The following SF3B3 variants were observed in gnomAD, a reference collection of about 807,000 sequenced individuals.
SF3B3 encodes splicing factor 3b subunit 3, also known as SAP 130.
SF3B3 carries 33 observed loss-of-function variants against 139.2 expected under a neutral mutation model. That is an observed-to-expected ratio of 0.24 (90% CI 0.18 to 0.32). The LOEUF is 0.32. Among genes scored for constraint, SF3B3 ranks in the 10% least tolerant of loss-of-function variants. SF3B3 has a pLI of 1.00. For missense variants in SF3B3, 818 were observed against 1,509.4 expected, an observed-to-expected ratio of 0.54 and a Z score of 7.59; for synonymous variants, 596 against 563.6, an observed-to-expected ratio of 1.06 and a Z score of -0.81.
At position 70,541,759 on chromosome 16, in the gene SF3B3, T is replaced by A; in HGVS notation, c.1158T>A (p.Phe386Leu). The change falls in exon 9 of 26, where the codon TTT (phenylalanine) becomes TTA (leucine). Residue 386 changes from phenylalanine to leucine, a missense_variant. Phe to Leu is a conservative substitution (Grantham distance 22, BLOSUM62 0). This residue lies in a region of SF3B3 where 80 missense variants were observed against 206.5 expected (regional missense o/e 0.39). Transcript: ENST00000302516. ...AMPLEEGDTFFFQPRPLKNLV... is the reference protein window; with the variant it reads ...AMPLEEGDTFLFQPRPLKNLV... ...CTCTGGAAGAAGGAGACACATTCTT[T>A]TTTCAGCCAAGACCACTTAAAAACC... The A allele has an allele frequency of 1.9e-6, 3 of 1,614,138 alleles. No homozygotes were observed. The highest frequency in any genetic ancestry group is 2.5e-6 in the Non-Finnish European group (3 of 1,180,000).
chr16:70,562,551 CT>C (rs1249702201), intron 17 of SF3B3, among the ~76,000 whole-genome samples: 8 of 152,186 alleles, frequency 5.3e-5, no homozygotes, highest in African/African-American at 1.4e-4. Flanking sequence ...CTCTACATCA[CT>C]TAATATTTTT....
In SF3B3 at chr16:70,565,925, C is replaced by T. The variant is rs540929060; in HGVS notation, c.2826+401C>T. On this transcript the variant is annotated intron_variant, in intron 20 of 25. Coordinates refer to ENST00000302516, the MANE Select transcript of SF3B3 (RefSeq NM_012426.5). ...TGAGGTCAGGAGTTCGAGACCAGCC[C>T]GGCCAACATGGTGAAAGCCTGTCTC... Among the ~76,000 whole-genome samples the T allele has an allele frequency of 1.4e-3, 213 of 150,598 alleles. 6 individuals carry two copies. Among genetic ancestry groups the T allele is most frequent in the Non-Finnish European group, 1.2e-3 (82 of 67,504 alleles).
At chr16:70,551,920 T>A (rs2050331142) in intron 11 of SF3B3, among the ~76,000 whole-genome samples, 1 of 152,178 alleles carries the variant, frequency 6.6e-6, no homozygotes, top group African/African-American at 2.4e-5. Context: ...GGGGTAGAAG[T>A]TACAATGTGC....
At chr16:70,555,894 C>A (rs1469978653) in intron 13 of SF3B3, among the ~76,000 whole-genome samples, 1 of 152,148 alleles carries the variant, frequency 6.6e-6, no homozygotes, top group Admixed American at 6.6e-5. Flanking sequence ...TTCCTGAGAA[C>A]AAAGTTGGCT....
chr16:70,556,761 A>C (rs936874214), intron 14 of SF3B3, 125 bp from the exon 15 acceptor site: 4 of 1,000,458 alleles, frequency 4.0e-6, no homozygotes, highest in Non-Finnish European at 6.0e-6. Context: ...CTTAGAACTC[A>C]CTCCCCGGGT....
chr16:70,554,008 T>C (rs2050356056), intron 11 of SF3B3: 1 of 154,428 alleles, frequency 6.5e-6, no homozygotes, highest in African/African-American at 2.4e-5. Flanking sequence ...TTAGAGCTTG[T>C]GTTCATTTCT....
chr16:70,538,986 G>T, intron 7 of SF3B3, 118 bp from the exon 8 acceptor site: 1 of 762,212 alleles, frequency 1.3e-6, no homozygotes, highest in Non-Finnish European at 2.3e-6. Context: ...GCCGGAGTTT[G>T]TTGACCCCTG....
At chr16:70,531,488 G>A (rs1294583051) in intron 4 of SF3B3, among the ~76,000 whole-genome samples, 2 of 152,068 alleles carry the variant, frequency 1.3e-5, no homozygotes, top group Non-Finnish European at 2.9e-5. Context: ...TGTTGGCCAG[G>A]CTGGTCTTCT....
At chr16:70,562,334 C>G (rs1214092412) in intron 17 of SF3B3, among the ~76,000 whole-genome samples, 1 of 152,132 alleles carries the variant, frequency 6.6e-6, no homozygotes, top group African/African-American at 2.4e-5. Flanking sequence ...AATTAAGCCA[C>G]CAAAGTTGTT....
At chr16:70,555,518 T>G (rs1245201185) in intron 13 of SF3B3, among the ~76,000 whole-genome samples, 2 of 148,684 alleles carry the variant, frequency 1.3e-5, no homozygotes, top group African/African-American at 5.0e-5. Flanking sequence ...GGAGTGACAG[T>G]GTTCACAAAC....
At chr16:70,565,333 T>A in intron 19 of SF3B3, 35 bp from the exon 20 acceptor site, 1 of 1,613,784 alleles carries the variant, frequency 6.2e-7, no homozygotes, top group Non-Finnish European at 8.5e-7. Flanking sequence ...GAGTTTTGAC[T>A]AAGGCCTTAC....
chr16:70,558,727 G>A (rs748942124), intron 15 of SF3B3, among the ~76,000 whole-genome samples: 3 of 152,130 alleles, frequency 2.0e-5, no homozygotes, highest in Non-Finnish European at 4.4e-5. Context: ...CTCCTGAGTA[G>A]CTGGGTTTAT....
intron 18 of SF3B3, 107 bp from the exon 19 acceptor site, chr16:70,564,958 G>A: frequency 1.0e-6 from 1 of 996,682 alleles, no homozygotes; most frequent in Non-Finnish European, 1.6e-6. Flanking sequence ...TGACTTTGCT[G>A]CTTTATGTAT....
Position 70,576,445 on chromosome 16 carries a change from C to CT in SF3B3, c.*4633dup, listed in dbSNP as rs1196506338. 3 of 152,150 alleles carry CT rather than the reference C, an allele frequency of 2.0e-5. No individual in the cohort carries two copies. Among genetic ancestry groups the CT allele is most frequent in the African/African-American group, 4.8e-5 (2 of 41,418 alleles). 9.4% of individuals were successfully genotyped at this position (152,150 alleles called of 1,614,324 possible). ...CACTCAGCAGAACTTGCTCCCTTCT[C>CT]TGACTGCAGTCTCATAATGAAAGGA... On this transcript the variant is annotated 3_prime_UTR_variant, in exon 26 of 26. Coordinates refer to ENST00000302516, the MANE Select transcript of SF3B3 (RefSeq NM_012426.5).
intron 4 of SF3B3, 140 bp from the exon 5 acceptor site, chr16:70,532,339 A>G: frequency 1.8e-6 from 1 of 545,736 alleles, no homozygotes; most frequent in Non-Finnish European, 2.9e-6. Context: ...TGGGTGACAT[A>G]GTGAGAACCT....
rs918623642 is a variant in SF3B3, at chr16:70,573,454, A to T, written c.*1641A>T. ...GGTAGGGGGTTATGTAAGAAAGGAA[A>T]ACCTAATCTATGGAATCAGGAGTTG... On this transcript the variant is annotated 3_prime_UTR_variant, in exon 26 of 26. Transcript: ENST00000302516. The T allele has an allele frequency of 3.9e-5, 6 of 152,156 alleles. No individual in the cohort carries two copies. The highest frequency in any genetic ancestry group is 1.4e-4 in the African/African-American group (6 of 41,406). The allele number at this position is 152,156 out of a possible 1,614,324, so 9.4% of individuals were successfully genotyped here.
In SF3B3 at chr16:70,529,214, C is replaced by G; in HGVS notation, c.397+15C>G. ...CGTTATGATTAGTAAGTGATTTACT[C>G]TACTTGCTGTATATGCCTAGTTTAG... On this transcript the variant is annotated intron_variant, in intron 3 of 25. Transcript: ENST00000302516. 2 of 1,595,768 alleles carry G rather than the reference C, an allele frequency of 1.3e-6. No individual in the cohort carries two copies. The highest frequency in any genetic ancestry group is 1.7e-6 in the Non-Finnish European group (2 of 1,165,034).
chr16:70,555,263 G>C (rs2050368404), intron 13 of SF3B3, 57 bp downstream of exon 13: 2 of 1,465,978 alleles, frequency 1.4e-6, no homozygotes, highest in African/African-American at 2.8e-5. Context: ...GGGAAAGATG[G>C]GCATTGTAGT....
chr16:70,532,806 C>T (rs937103653), intron 5 of SF3B3, among the ~76,000 whole-genome samples, 186 bp downstream of exon 5: 1 of 152,144 alleles, frequency 6.6e-6, no homozygotes, highest in African/African-American at 2.4e-5. Flanking sequence ...ATAAAGACTG[C>T]CTAGCTCCTT....
Sources: allele counts gnomAD v4.1 joint callset (sites outside exome capture counted in the v4.1 genomes callset), GRCh38; gene constraint gnomAD v4.1.1; regional missense constraint gnomAD v4.1.1; transcripts MANE v1.5; gene names NCBI Gene and HGNC (gene_info 2026-07-23, HGNC 2026-07-21).